The following ADPRHL1 variants were observed in gnomAD, a reference collection of about 807,000 sequenced individuals.
ADPRHL1 encodes the protein ADP-ribosylhydrolase like 1, also known as inactive ADP-ribosyltransferase ARH2.
Under a neutral mutation model 44.1 loss-of-function variants are expected in ADPRHL1, and 43 were observed. The ratio of observed to expected loss-of-function variants is 0.98; its 90% CI spans 0.76 to 1.26. The LOEUF (loss-of-function observed/expected upper bound fraction) is 1.26, where lower values mean the gene tolerates loss of function less well. ADPRHL1 is among the 50% of genes most tolerant of loss of function. The pLI, the probability that ADPRHL1 is intolerant of heterozygous loss-of-function variation, is 0.00. For synonymous variants in ADPRHL1, 878 were observed against 1,017.4 expected, an observed-to-expected ratio of 0.86 and a Z score of 2.61; for missense variants, 2,022 against 2,496.9, an observed-to-expected ratio of 0.81 and a Z score of 4.05.
chr13:113,418,995 C>T, intron 7 of ADPRHL1, among the ~76,000 whole-genome samples: 1 of 138,848 alleles, frequency 7.2e-6, no homozygotes, highest in African/African-American at 2.8e-5. Flanking sequence ...TCCCTCCCTC[C>T]CTCCCTTCCT....
At chr13:113,451,398 G>A (rs752134470) in intron 1 of ADPRHL1, among the ~76,000 whole-genome samples, 3 of 152,106 alleles carry the variant, frequency 2.0e-5, no homozygotes, top group African/African-American at 7.2e-5. Context: ...AATTCCAGGG[G>A]TGATCTTGGA....
At position 113,407,453 on chromosome 13, in the gene ADPRHL1, A is replaced by G. The variant is rs940006491; in HGVS notation, c.1829T>C (p.Phe610Ser). Reference protein sequence around the residue: ...STCVKMPPARFLACTAEPLPA... With the variant: ...STCVKMPPARSLACTAEPLPA... ...CAGGGGCTCAGCCGTGCAGGCCAGA[A>G]AGCGGGCAGGGGGCATCTTGACGCA... Residue 610 changes from phenylalanine (F) to serine (S), a missense_variant, in exon 8 of 8, where the codon TTT (phenylalanine) becomes TCT (serine). Phe to Ser is a radical substitution (Grantham distance 155). Coordinates refer to ENST00000612156, the MANE Select transcript of ADPRHL1 (RefSeq NM_001394807.1). 16 of 1,231,826 alleles carry G rather than the reference A, an allele frequency of 1.3e-5. No homozygotes were observed. The highest frequency in any genetic ancestry group is 4.7e-5 in the African/African-American group (3 of 64,410). The allele number at this position is 1,231,826 out of a possible 1,614,324, so 76.3% of individuals were successfully genotyped here. A position where few individuals can be genotyped will look rare whatever the true frequency, so the allele number is the denominator to read the frequency against.
intron 3 of ADPRHL1, 131 bp from the exon 4 acceptor site, chr13:113,429,223 C>A: frequency 8.0e-7 from 1 of 1,253,072 alleles, no homozygotes; most frequent in Non-Finnish European, 1.1e-6. Flanking sequence ...TGTTCAGGTG[C>A]ACAGTTCGGC....
Position 113,412,927 on chromosome 13 carries a change from C to T in ADPRHL1, c.1062-4707G>A, listed in dbSNP as rs1420401961. On this transcript the variant is annotated intron_variant, in intron 7 of 7. Coordinates refer to ENST00000612156, the MANE Select transcript of ADPRHL1 (RefSeq NM_001394807.1). ...ACCGCCAACAGCACCCCGCAGAACT[C>T]GGTTCACCCACCGCCAACAGTGCCC... Among the ~76,000 whole-genome samples the T allele has an allele frequency of 5.3e-5, 2 of 37,936 alleles. 1 individual carries two copies. The highest frequency in any genetic ancestry group is 2.7e-4 in the African/African-American group (2 of 7,326). The allele number at this position is 37,936 out of a possible 152,430, so 24.9% of individuals were successfully genotyped here. A position where few individuals can be genotyped will look rare whatever the true frequency, so the allele number is the denominator to read the frequency against.
chr13:113,410,660 C>G (rs1177484929), intron 7 of ADPRHL1, among the ~76,000 whole-genome samples: 1 of 152,178 alleles, frequency 6.6e-6, no homozygotes, highest in Non-Finnish European at 1.5e-5. Context: ...TAAAGTGATC[C>G]CGGGCGGCCC....
At position 113,402,549 on chromosome 13, in the gene ADPRHL1, T is replaced by A. The variant is rs1211338471; in HGVS notation, c.*829A>T. 2 of 152,310 alleles carry A rather than the reference T, an allele frequency of 1.3e-5. No individual in the cohort carries two copies. Among genetic ancestry groups the A allele is most frequent in the Non-Finnish European group, 2.9e-5 (2 of 68,142 alleles). The allele number at this position is 152,310 out of a possible 1,614,324, so 9.4% of individuals were successfully genotyped here. ...GAGGACAGACAGCGAGGCTCTCAGG[T>A]CACCGGCACCAGTGGCACCACCCAC... On this transcript the variant is annotated 3_prime_UTR_variant, in exon 8 of 8. Coordinates refer to ENST00000612156, the MANE Select transcript of ADPRHL1 (RefSeq NM_001394807.1).
chr13:113,420,450 G>A (rs1049001951), intron 7 of ADPRHL1, among the ~76,000 whole-genome samples: 2 of 152,132 alleles, frequency 1.3e-5, no homozygotes, highest in Non-Finnish European at 2.9e-5. Context: ...CAGCAGGGTG[G>A]AGAGGGAAGC....
At chr13:113,408,691 C>T (rs1435379501) in intron 7 of ADPRHL1, among the ~76,000 whole-genome samples, 1 of 152,198 alleles carries the variant, frequency 6.6e-6, no homozygotes, top group East Asian at 1.9e-4. Context: ...TTAAATTCTG[C>T]CATGATCCCA....
At chr13:113,424,942 C>CTA (rs1459949798) in intron 5 of ADPRHL1, 110 bp downstream of exon 5, 13 of 1,333,368 alleles carry the variant, frequency 9.7e-6, no homozygotes, top group African/African-American at 3.0e-5. Context: ...ATCCATCCAT[C>CTA]TATCCATCCA....
chr13:113,412,468 G>A (rs542168225), intron 7 of ADPRHL1, among the ~76,000 whole-genome samples: 23 of 152,342 alleles, frequency 1.5e-4, no homozygotes, highest in Middle Eastern at 3.4e-3. Context: ...GTGAGCCACC[G>A]CGCCCAGCCA....
rs1240853949 is a variant in ADPRHL1 at position 113,400,310 on chromosome 13, T to TC, written c.*3067_*3068insG. On this transcript the variant is annotated 3_prime_UTR_variant, in exon 8 of 8. Transcript: ENST00000612156. The stretch of plus-strand genomic sequence containing the variant: ...ACAGGCACCCACCACCACGCCCGGC[T>TC]AATTTTTGTATTTTTAGTAGAGACA... 7.9e-5 allele frequency: 12 copies of TC among 151,352 alleles called. No individual in the cohort carries two copies. The highest frequency in any genetic ancestry group is 1.5e-4 in the Non-Finnish European group (10 of 67,760). The allele number at this position is 151,352 out of a possible 1,614,324, so 9.4% of individuals were successfully genotyped here. A position where few individuals can be genotyped will look rare whatever the true frequency, so the allele number is the denominator to read the frequency against.
chr13:113,412,416 G>C (rs947317625), intron 7 of ADPRHL1, among the ~76,000 whole-genome samples: 1 of 152,188 alleles, frequency 6.6e-6, no homozygotes, highest in Admixed American at 6.5e-5. Context: ...CTGACCTCGT[G>C]ATCCGCCTGC....
intron 7 of ADPRHL1, among the ~76,000 whole-genome samples, chr13:113,418,406 G>C (rs1210385669): frequency 6.6e-6 from 1 of 152,214 alleles, no homozygotes; most frequent in Non-Finnish European, 1.5e-5. Context: ...AAGTCACCGA[G>C]CCTCCCTGGA....
intron 3 of ADPRHL1, among the ~76,000 whole-genome samples, chr13:113,430,313 G>C (rs977091035): frequency 2.0e-5 from 3 of 152,206 alleles, no homozygotes; most frequent in African/African-American, 7.2e-5. Context: ...CCGTCTGGGT[G>C]GAGACAGCCC....
intron 1 of ADPRHL1, among the ~76,000 whole-genome samples, chr13:113,451,289 CTATATCTGGTAT>C (rs1168878240): frequency 1.3e-5 from 2 of 152,176 alleles, no homozygotes; most frequent in African/African-American, 4.8e-5. Flanking sequence ...TATCTAAGAT[CTATATCTGGTAT>C]AACTATTCTT....
chr13:113,425,029 C>G, intron 5 of ADPRHL1, 23 bp downstream of exon 5: 1 of 1,612,852 alleles, frequency 6.2e-7, no homozygotes, highest in Non-Finnish European at 8.5e-7. Flanking sequence ...CAGACATTGC[C>G]CCAGTGCCAG....
rs902720075 is a variant in ADPRHL1, at chr13:113,407,825, C to T, written c.1457G>A (p.Cys486Tyr). Reference sequence around the variant, plus strand: ...GCCCCAGCGGGGCTTCTCGCTGAGGCAGGGCTTTGGGGCCGGCTCCTTGGT... The same window carrying T: ...GCCCCAGCGGGGCTTCTCGCTGAGGTAGGGCTTTGGGGCCGGCTCCTTGGT... Reference protein sequence around the residue: ...EKTKEPAPKPCLSEKPRWGHP... With the variant: ...EKTKEPAPKPYLSEKPRWGHP... Residue 486 changes from cysteine to tyrosine, a missense_variant, in exon 8 of 8, where the codon TGC becomes TAC. Physicochemically the swap from Cys to Tyr is radical, Grantham distance 194. Coordinates refer to ENST00000612156, the MANE Select transcript of ADPRHL1 (RefSeq NM_001394807.1). The T allele has an allele frequency of 2.4e-6, 3 of 1,231,832 alleles. No individual in the cohort carries two copies. The African/African-American group carries it at 4.7e-5, about 19-fold the overall frequency. 76.3% of individuals were successfully genotyped at this position (1,231,832 alleles called of 1,614,324 possible). A position where few individuals can be genotyped will look rare whatever the true frequency, so the allele number is the denominator to read the frequency against.
chr13:113,441,282 A>G lies in ADPRHL1; in HGVS notation c.379+3143T>C, dbSNP rs1207549163. 6.6e-6 allele frequency among the ~76,000 whole-genome samples: 1 copy of G among 152,126 alleles called. No individual in the cohort carries two copies. The highest frequency in any genetic ancestry group is 1.5e-5 in the Non-Finnish European group (1 of 68,018). On this transcript the variant is annotated intron_variant, in intron 2 of 7. Transcript: ENST00000612156. The surrounding 1 kb of genome is among the most constrained non-coding windows in gnomAD (Gnocchi z 6.0). The stretch of plus-strand genomic sequence containing the variant: ...ATTCGCATTTGGCGTCATTATTATT[A>G]TCTTGTTTGTTTTCTACCTGTACTG...
intron 4 of ADPRHL1, among the ~76,000 whole-genome samples, chr13:113,426,886 G>A (rs987749829): frequency 2.0e-5 from 3 of 152,226 alleles, no homozygotes; most frequent in African/African-American, 7.2e-5. Context: ...TGTCCTCACT[G>A]CAGAGGGCCG....
Sources: allele counts gnomAD v4.1 joint callset (sites outside exome capture counted in the v4.1 genomes callset), GRCh38; gene constraint gnomAD v4.1.1; non-coding constraint Gnocchi (gnomAD v3.1); transcripts MANE v1.5; gene names NCBI Gene and HGNC (gene_info 2026-07-23, HGNC 2026-07-21).